Variants in ZRANB3 observed in about 807,000 individuals in gnomAD.
ZRANB3 encodes the protein zinc finger RANBP2-type containing 3, also known as DNA annealing helicase and endonuclease ZRANB3.
In ZRANB3, 125 loss-of-function variants were observed where a neutral mutation model predicts 133.8. That is an observed-to-expected ratio of 0.93 (90% CI 0.81 to 1.08). The LOEUF is 1.08. Among genes scored for constraint, ZRANB3 ranks in the 50% least tolerant of loss-of-function variants. The pLI is 0.00. For missense variants in ZRANB3, 1,229 were observed against 1,275.5 expected, an observed-to-expected ratio of 0.96 and a Z score of 0.56; for synonymous variants, 387 against 432.7, an observed-to-expected ratio of 0.89 and a Z score of 1.31.
chr2:135,350,244 A>C, intron 4 of ZRANB3, 29 bp from the exon 5 acceptor site: 1 of 1,493,216 alleles, frequency 6.7e-7, no homozygotes, highest in Non-Finnish European at 9.1e-7. Context: ...GTACTTAAAA[A>C]ATATCTCAGT....
intron 12 of ZRANB3, among the ~76,000 whole-genome samples, chr2:135,263,929 T>A (rs963273341): frequency 6.6e-6 from 1 of 151,306 alleles, no homozygotes; most frequent in Non-Finnish European, 1.5e-5. Context: ...GCATGTGCCA[T>A]GACGCCCGGC....
intron 3 of ZRANB3, among the ~76,000 whole-genome samples, chr2:135,380,212 G>A (rs1262338318): frequency 6.6e-6 from 1 of 152,078 alleles, no homozygotes; most frequent in East Asian, 1.9e-4. Flanking sequence ...AAATAATAAT[G>A]GGAGACTTTT....
In ZRANB3 at chr2:135,269,077, A is replaced by C. The variant is rs1206738009; in HGVS notation, c.1271T>G (p.Ile424Arg). ...GTGAGCTCGGTCTTCTGCTTGTTTT[A>C]TATGTCCAGGGTCCCAGTACAACTC... is the stretch of plus-strand genomic sequence containing the variant. ...FAELYWDPGH[I>R]KQAEDRAHRI... Residue 424 changes from isoleucine to arginine, a missense_variant, in exon 11 of 21, where the codon ATA (isoleucine) becomes AGA (arginine). By Grantham distance (97) the Ile-to-Arg change is moderately conservative. Transcript: ENST00000264159. 1.9e-6 allele frequency: 3 copies of C among 1,613,070 alleles called. No homozygotes were observed. The highest frequency in any genetic ancestry group is 2.5e-6 in the Non-Finnish European group (3 of 1,179,718).
At chr2:135,248,831 G>C (rs1695917305) in intron 12 of ZRANB3, among the ~76,000 whole-genome samples, 1 of 152,114 alleles carries the variant, frequency 6.6e-6, no homozygotes, top group Admixed American at 6.5e-5. Context: ...GCTTGAACCT[G>C]GGAGGCGAAG....
At chr2:135,432,302 A>G (rs553379288) in intron 2 of ZRANB3, among the ~76,000 whole-genome samples, 60 of 152,302 alleles carry the variant, frequency 3.9e-4, no homozygotes, top group African/African-American at 1.3e-3. Context: ...AATTTTAAAG[A>G]TTCAAATATT....
intron 2 of ZRANB3, among the ~76,000 whole-genome samples, chr2:135,458,924 G>T (rs1212411069): frequency 2.0e-5 from 3 of 152,074 alleles, no homozygotes; most frequent in African/African-American, 7.2e-5. Context: ...GATCAAAGCA[G>T]GTTAAATCAC....
chr2:135,504,375 G>C lies in ZRANB3; in HGVS notation c.115C>G (p.Pro39Ala), dbSNP rs752457551. 1.2e-6 allele frequency: 2 copies of C among 1,613,634 alleles called. No individual in the cohort carries two copies. The highest frequency in any genetic ancestry group is 2.2e-5 in the South Asian group (2 of 91,062). Residue 39 changes from proline (P) to alanine (A), a missense_variant, in exon 2 of 21, where the codon CCA becomes GCA. By Grantham distance (27) the Pro-to-Ala change is conservative. Transcript: ENST00000264159. ...AAAATGATGCCATCTTTCTGGAATG[G>C]AAGTAGCTTTGCTCTTAGTCTGTCA... ...LPDRLRAKLL[P>A]FQKDGIIFAL...
chr2:135,400,920 TTGTTAAC>T (rs1321126805), intron 2 of ZRANB3, among the ~76,000 whole-genome samples: 12 of 152,226 alleles, frequency 7.9e-5, no homozygotes, highest in Admixed American at 7.9e-4. Context: ...AGAATTCTCT[TTGTTAAC>T]TGTTAAGTCA....
intron 17 of ZRANB3, among the ~76,000 whole-genome samples, chr2:135,212,809 C>T (rs1573680309): frequency 6.6e-6 from 1 of 152,172 alleles, no homozygotes; most frequent in East Asian, 1.9e-4. Flanking sequence ...TCAATGAACA[C>T]AATCTTGGGC....
At chr2:135,511,027 G>T (rs1456134829) in intron 1 of ZRANB3, 2 of 779,822 alleles carry the variant, frequency 2.6e-6, no homozygotes, top group Non-Finnish European at 4.8e-6. Context: ...TTTCTTCGTT[G>T]TTCTCACATC....
chr2:135,229,126 T>G (rs187985965), intron 13 of ZRANB3, among the ~76,000 whole-genome samples: 2 of 152,178 alleles, frequency 1.3e-5, no homozygotes, highest in Admixed American at 6.5e-5. Context: ...AGATATTACA[T>G]GGAATAAGCA....
chr2:135,407,225 G>T (rs1688080636), intron 2 of ZRANB3, among the ~76,000 whole-genome samples: 1 of 151,902 alleles, frequency 6.6e-6, no homozygotes. Context: ...ATTCACAATT[G>T]CTTCAATAAG....
chr2:135,400,519 C>A (rs13392596), intron 2 of ZRANB3, among the ~76,000 whole-genome samples: 1 of 152,052 alleles, frequency 6.6e-6, no homozygotes, highest in Non-Finnish European at 1.5e-5. Context: ...GTTGGCCAGG[C>A]TGGTCTCGAA....
intron 1 of ZRANB3, among the ~76,000 whole-genome samples, chr2:135,527,096 G>A (rs1189968658): frequency 6.6e-6 from 1 of 152,104 alleles, no homozygotes; most frequent in Non-Finnish European, 1.5e-5. Context: ...AACCACCTTG[G>A]GCACATGTTC....
chr2:135,503,924 C>G (rs114771097), intron 2 of ZRANB3, among the ~76,000 whole-genome samples: 3 of 151,734 alleles, frequency 2.0e-5, no homozygotes, highest in Admixed American at 6.6e-5. Context: ...GAGCCAAGAT[C>G]GTACCACTAC....
chr2:135,249,275 A>G (rs978592488), intron 12 of ZRANB3, among the ~76,000 whole-genome samples: 3 of 152,262 alleles, frequency 2.0e-5, no homozygotes, highest in Admixed American at 2.0e-4. Context: ...AAATCATTCT[A>G]CCATAAAGGC....
chr2:135,514,378 T>C (rs962761841), intron 1 of ZRANB3, among the ~76,000 whole-genome samples: 17 of 152,320 alleles, frequency 1.1e-4, no homozygotes, highest in African/African-American at 3.4e-4. Flanking sequence ...GTTGTATTCC[T>C]AGGCATTTCA....
intron 1 of ZRANB3, among the ~76,000 whole-genome samples, chr2:135,530,010 G>C (rs981118097): frequency 1.3e-5 from 2 of 151,276 alleles, no homozygotes; most frequent in South Asian, 2.1e-4. Flanking sequence ...GGCGGATCAC[G>C]AGGTCAGGAG....
chr2:135,250,272 C>T (rs1679326475), intron 12 of ZRANB3, among the ~76,000 whole-genome samples: 1 of 152,144 alleles, frequency 6.6e-6, no homozygotes, highest in Non-Finnish European at 1.5e-5. Flanking sequence ...AGGAGCAAAG[C>T]ATTTAAGAGG....
Sources: gnomAD v4.1 joint callset for allele counts (sites outside exome capture counted in the v4.1 genomes callset) on GRCh38, gnomAD v4.1.1 for gene constraint, MANE v1.5 for transcripts, NCBI Gene and HGNC (gene_info 2026-07-23, HGNC 2026-07-21) for gene names.